Variants in LTN1 observed in about 807,000 individuals in gnomAD.
LTN1 encodes the protein E3 ubiquitin-protein ligase listerin.
Under a neutral mutation model 201.2 loss-of-function variants are expected in LTN1, and 88 were observed. That is an observed-to-expected ratio of 0.44 (90% CI 0.37 to 0.52). LTN1 has a LOEUF of 0.52. Ranked by LOEUF, LTN1 falls within the 20% of genes least tolerant of loss-of-function variation. The pLI is 0.00. For synonymous variants in LTN1, 645 were observed against 713.5 expected (o/e 0.90, Z 1.53); for missense variants, 1,752 against 2,038.7 (o/e 0.86, Z 2.71).
In LTN1 at chr21:28,966,405, T is replaced by C; in HGVS notation, c.2086A>G (p.Met696Val). 5 of 1,611,254 alleles carry C rather than the reference T, an allele frequency of 3.1e-6. No individual in the cohort carries two copies. The highest frequency in any genetic ancestry group is 4.2e-6 in the Non-Finnish European group (5 of 1,179,338). ...TCATCCAAGACTTTTTTTCTTTCCATATCATTGTCACAGCACCGGAGAGCA... is the reference window on the plus strand; with the variant it reads ...TCATCCAAGACTTTTTTTCTTTCCACATCATTGTCACAGCACCGGAGAGCA... ...YSALRCCDND[M>V]ERKKVLDDLT... The change falls in exon 10 of 30, where the codon ATG (methionine) becomes GTG (valine). Residue 696 changes from methionine to valine, a missense_variant. Around this residue, in one of 3 missense-constraint regions of LTN1, gnomAD observed 1,211 missense variants for 1,312.8 expected, o/e 0.92. Coordinates refer to ENST00000361371, the MANE Select transcript of LTN1 (RefSeq NM_015565.3).
In LTN1 at chr21:28,947,509, G is replaced by T. The variant is rs779365637; in HGVS notation, c.3442C>A (p.Pro1148Thr). The T allele has an allele frequency of 6.3e-7, 1 of 1,579,538 alleles. No homozygotes were observed. The highest frequency in any genetic ancestry group is 8.6e-7 in the Non-Finnish European group (1 of 1,164,104). The change falls in exon 19 of 30, where the codon CCT becomes ACT. Residue 1148 changes from proline to threonine, a missense_variant. This residue lies in a region of LTN1 where 1,211 missense variants were observed against 1,312.8 expected (regional missense o/e 0.92). Coordinates refer to ENST00000361371, the MANE Select transcript of LTN1 (RefSeq NM_015565.3). ...EKKEFSAQCIPALLGWTKKDL... is the reference protein window; with the variant it reads ...EKKEFSAQCITALLGWTKKDL... ...TTCTTAGTCCAGCCCAAAAGAGCAG[G>T]TATACATTGAGCACTAAATTCTTTC...
chr21:28,934,599 C>T lies in LTN1; in HGVS notation c.4875+510G>A, dbSNP rs369582031. On this transcript the variant is annotated intron_variant, in intron 27 of 29. Coordinates refer to ENST00000361371, the MANE Select transcript of LTN1 (RefSeq NM_015565.3). ...GTTTCTGAGTAGCTGGGATTACTGG[C>T]GCCCGCCACCACGCATGGCTAATTT... 4.3e-4 allele frequency among the ~76,000 whole-genome samples: 65 copies of T among 152,236 alleles called. 1 individual carries two copies. Among genetic ancestry groups the T allele is most frequent in the African/African-American group, 1.5e-3 (63 of 41,538 alleles).
chr21:28,944,466 G>T lies in LTN1; in HGVS notation c.3899C>A (p.Pro1300His), dbSNP rs753105118. ...STTLDTIGNL[P>H]VNLISEWKEF... Reference sequence around the variant, plus strand: ...TTTCCATTCACTGATTAGATTTACAGGAAGATTGCCAATGGTATCCAGAGT... The same window carrying T: ...TTTCCATTCACTGATTAGATTTACATGAAGATTGCCAATGGTATCCAGAGT... Residue 1300 changes from proline (P) to histidine (H), a missense_variant, in exon 22 of 30, where the codon CCT (proline) becomes CAT (histidine). By Grantham distance (77) the Pro-to-His change is moderately conservative (BLOSUM62 -2). Around this residue, in one of 3 missense-constraint regions of LTN1, gnomAD observed 1,211 missense variants for 1,312.8 expected, o/e 0.92. Coordinates refer to ENST00000361371, the MANE Select transcript of LTN1 (RefSeq NM_015565.3). The T allele has an allele frequency of 1.4e-5, 23 of 1,613,874 alleles. No homozygotes were observed. The Admixed American group carries it at 3.8e-4, about 27-fold the overall frequency.
intron 27 of LTN1, among the ~76,000 whole-genome samples, 154 bp downstream of exon 27, chr21:28,934,955 C>G (rs1159952339): frequency 6.6e-6 from 1 of 152,202 alleles, no homozygotes; most frequent in Non-Finnish European, 1.5e-5. Flanking sequence ...ACCTTGGCCT[C>G]CCAAAGCGTT....
Position 28,959,641 on chromosome 21 carries a change from A to C in LTN1, c.2410T>G (p.Leu804Val), listed in dbSNP as rs2084458479. The C allele has an allele frequency of 1.2e-6, 2 of 1,613,574 alleles. No individual in the cohort carries two copies. Among genetic ancestry groups the C allele is most frequent in the Non-Finnish European group, 1.7e-6 (2 of 1,179,730 alleles). ...TCTGATAATTTCTTTGTTTTGAATAAAGTTTCATGAAGTCTAACAATGATT... is the reference window on the plus strand; with the variant it reads ...TCTGATAATTTCTTTGTTTTGAATACAGTTTCATGAAGTCTAACAATGATT... ...ERIIVRLHET[L>V]FKTKKLSEAE... Residue 804 changes from leucine to valine, a missense_variant, in exon 13 of 30, where the codon TTA (leucine) becomes GTA (valine). Transcript: ENST00000361371.
chr21:28,979,569 G>A (rs2084642798), intron 6 of LTN1, among the ~76,000 whole-genome samples: 1 of 152,118 alleles, frequency 6.6e-6, no homozygotes, highest in South Asian at 2.1e-4. Context: ...AAAAACTCAA[G>A]CACACACAAA....
chr21:28,982,075 G>A (rs1291445923), intron 5 of LTN1, among the ~76,000 whole-genome samples: 1 of 152,114 alleles, frequency 6.6e-6, no homozygotes, highest in Admixed American at 6.6e-5. Flanking sequence ...AAATTAGCCA[G>A]GTGTAGTGGT....
In LTN1 at chr21:28,943,688, G is replaced by C. The variant is rs2084314667; in HGVS notation, c.4199C>G (p.Ala1400Gly). The change falls in exon 23 of 30, where the codon GCT (alanine) becomes GGT (glycine). Residue 1400 changes from alanine (A) to glycine (G), a missense_variant. Physicochemically the swap from Ala to Gly is moderately conservative, Grantham distance 60. Coordinates refer to ENST00000361371, the MANE Select transcript of LTN1 (RefSeq NM_015565.3). ...TTACTTGTATAGCATATGATAAACA[G>C]CAATTTGCACAGGCCTAGCTCTGAA... is the stretch of plus-strand genomic sequence containing the variant. The part of the protein sequence containing the change: ...LLFRARPVQI[A>G]VYHMLYKLMP... The C allele has an allele frequency of 6.2e-7, 1 of 1,609,746 alleles. No homozygotes were observed. The highest frequency in any genetic ancestry group is 1.3e-5 in the African/African-American group (1 of 74,778).
chr21:28,989,965 G>A (rs1430697408), intron 1 of LTN1, among the ~76,000 whole-genome samples: 4 of 150,530 alleles, frequency 2.7e-5, no homozygotes, highest in Admixed American at 6.6e-5. Context: ...GCAGTGACCC[G>A]AGACTCTGTC....
chr21:28,971,569 A>G, intron 6 of LTN1, 125 bp from the exon 7 acceptor site: 1 of 813,214 alleles, frequency 1.2e-6, no homozygotes, highest in Non-Finnish European at 1.9e-6. Flanking sequence ...GCTAGAAAAA[A>G]TACTTTTTAA....
chr21:28,932,554 T>A lies in LTN1; in HGVS notation c.4986A>T (p.Ile1662=). 6.2e-7 allele frequency: 1 copy of A among 1,614,028 alleles called. No individual in the cohort carries two copies. Among genetic ancestry groups the A allele is most frequent in the South Asian group, 1.1e-5 (1 of 91,078 alleles). ...CTCCTACTCTTTTCCCACTTTCTAC[T>A]ATTATTGAACCCAGTGGATAATTTG... The part of the protein sequence containing the change: ...LPSNYPLGSI[I]VESGKRVGVA... Residue 1662 remains isoleucine (I), a synonymous_variant, in exon 28 of 30, where the codon ATA becomes ATT. Transcript: ENST00000361371.
At position 28,931,360 on chromosome 21, in the gene LTN1, T is replaced by C. The variant is rs765953950; in HGVS notation, c.5071-38A>G. 7.6e-6 allele frequency: 9 copies of C among 1,177,030 alleles called. No individual in the cohort carries two copies. The Middle Eastern group carries it at 6.1e-4, about 80-fold the overall frequency. 72.9% of individuals were successfully genotyped at this position (1,177,030 alleles called of 1,614,324 possible). A position where few individuals can be genotyped will look rare whatever the true frequency, so the allele number is the denominator to read the frequency against. On this transcript the variant is annotated intron_variant, in intron 28 of 29. Transcript: ENST00000361371. ...AGAAAAATAAGTCACTACACACTGATAACCACCAATTTTATTTTTATTCAA... is the reference window on the plus strand; with the variant it reads ...AGAAAAATAAGTCACTACACACTGACAACCACCAATTTTATTTTTATTCAA...
At chr21:28,948,130 T>G (rs1221191589) in intron 18 of LTN1, among the ~76,000 whole-genome samples, 1 of 126,662 alleles carries the variant, frequency 7.9e-6, no homozygotes, top group Admixed American at 7.8e-5. Context: ...AGGCAAAGGT[T>G]CCAGTAGCTT....
Position 28,944,536 on chromosome 21 carries a change from T to G in LTN1, c.3829A>C (p.Ser1277Arg). The part of the protein sequence containing the change: ...IPLVQLFACV[S>R]CDLACDLSAF... ...CTGAGGTCACAGGCCAAATCACAGC[T>G]GACACAGGCAAACAGTTGCACAAGT... The change falls in exon 22 of 30, where the codon AGC becomes CGC. Residue 1277 changes from serine (S) to arginine (R), a missense_variant. Ser to Arg is a moderately radical substitution (Grantham distance 110). Around this residue, in one of 3 missense-constraint regions of LTN1, gnomAD observed 1,211 missense variants for 1,312.8 expected, o/e 0.92. Transcript: ENST00000361371. 2 of 1,614,046 alleles carry G rather than the reference T, an allele frequency of 1.2e-6. No individual in the cohort carries two copies. Among genetic ancestry groups the G allele is most frequent in the East Asian group, 2.2e-5 (1 of 44,854 alleles).
Position 28,986,207 on chromosome 21 carries a change from C to G in LTN1, c.277G>C (p.Glu93Gln). ...AMQEFGTMCT[E>Q]RDTETVKGVL... ...CCTTTCACAGTTTCTGTGTCTCTCT[C>G]TGTACACATGGTTCCAAATTCCTGC... Residue 93 changes from glutamate to glutamine, a missense_variant, in exon 3 of 30, where the codon GAG becomes CAG. Physicochemically the swap from Glu to Gln is conservative, Grantham distance 29 (BLOSUM62 2). This residue lies in a region of LTN1 where 280 missense variants were observed against 375.7 expected (regional missense o/e 0.75). Coordinates refer to ENST00000361371, the MANE Select transcript of LTN1 (RefSeq NM_015565.3). This position sits in a 1 kb window ranked among gnomAD's most constrained non-coding sequence, Gnocchi z 4.1. The G allele has an allele frequency of 3.1e-6, 5 of 1,613,084 alleles. No homozygotes were observed. The highest frequency in any genetic ancestry group is 4.2e-6 in the Non-Finnish European group (5 of 1,179,204).
At position 28,956,824 on chromosome 21, in the gene LTN1, T is replaced by C; in HGVS notation, c.3017A>G (p.Lys1006Arg). ...SHLCTSALLS[K>R]MVLIALRKET... ...CTTTCTCAGTGCAATTAAGACCATT[T>C]TGCTCAATAATGCTGAAGTACACAA... Residue 1006 changes from lysine (K) to arginine (R), a missense_variant, in exon 16 of 30, where the codon AAA (lysine) becomes AGA (arginine). Around this residue, in one of 3 missense-constraint regions of LTN1, gnomAD observed 1,211 missense variants for 1,312.8 expected, o/e 0.92. Transcript: ENST00000361371. 6.2e-7 allele frequency: 1 copy of C among 1,612,248 alleles called. No individual in the cohort carries two copies. The highest frequency in any genetic ancestry group is 1.3e-5 in the African/African-American group (1 of 75,030).
intron 1 of LTN1, among the ~76,000 whole-genome samples, chr21:28,988,579 T>C (rs536933097): frequency 5.9e-5 from 9 of 151,772 alleles, no homozygotes; most frequent in Non-Finnish European, 1.3e-4. Context: ...GGAAAGAAAA[T>C]GATGGCCTGC....
chr21:28,959,408 A>G, intron 13 of LTN1, 50 bp downstream of exon 13: 1 of 1,575,876 alleles, frequency 6.3e-7, no homozygotes, highest in South Asian at 1.2e-5. Flanking sequence ...CTCACTATGA[A>G]GGTCAGAGCC....
chr21:28,970,876 C>T, intron 7 of LTN1, 134 bp from the exon 8 acceptor site: 1 of 556,344 alleles, frequency 1.8e-6, no homozygotes. Context: ...CTTTCACCAC[C>T]ATTAAAAACT....
Sources: gnomAD v4.1 joint callset for allele counts (sites outside exome capture counted in the v4.1 genomes callset) on GRCh38, gnomAD v4.1.1 for gene constraint, gnomAD v4.1.1 regional missense constraint, Gnocchi (gnomAD v3.1) non-coding constraint, MANE v1.5 for transcripts, NCBI Gene and HGNC (gene_info 2026-07-23, HGNC 2026-07-21) for gene names.